NPHS1: variants seen among roughly 807,000 people sequenced by gnomAD.
NPHS1 encodes NPHS1 adhesion molecule, nephrin, also known as nephrin.
Under a neutral mutation model 139.7 loss-of-function variants are expected in NPHS1, and 107 were observed. That is an observed-to-expected ratio of 0.77 (90% CI 0.66 to 0.90). NPHS1 has a LOEUF of 0.90. Ranked by LOEUF, NPHS1 falls within the 40% of genes least tolerant of loss-of-function variation. NPHS1 has a pLI of 0.00. For synonymous variants in NPHS1, 707 were observed against 706.6 expected, an observed-to-expected ratio of 1.00 and a Z score of -0.01; for missense variants, 1,580 against 1,654.2, an observed-to-expected ratio of 0.96 and a Z score of 0.78.
Position 35,845,796 on chromosome 19 carries a change from G to T in NPHS1, c.1630C>A (p.Pro544Thr), listed in dbSNP as rs1160590584. 6.2e-7 allele frequency: 1 copy of T among 1,612,310 alleles called. No individual in the cohort carries two copies. The highest frequency in any genetic ancestry group is 1.1e-5 in the South Asian group (1 of 91,048). The change falls in exon 13 of 29, where the codon CCC becomes ACC. Residue 544 changes from proline (P) to threonine (T), a missense_variant and splice_region_variant. By Grantham distance (38) the Pro-to-Thr change is conservative. Transcript: ENST00000378910. This position sits in a 1 kb window ranked among gnomAD's most constrained non-coding sequence, Gnocchi z 5.5. ...SASTQLAVQFPPTNVTILANA... is the reference protein window; with the variant it reads ...SASTQLAVQFTPTNVTILANA... ...GCCAGGATCGTCACGTTAGTTGGGGGAACTGGGAGACGGGGTTGGAGGAGC... is the reference window on the plus strand; with the variant it reads ...GCCAGGATCGTCACGTTAGTTGGGGTAACTGGGAGACGGGGTTGGAGGAGC...
chr19:35,837,956 A>C (rs895997836), intron 22 of NPHS1, among the ~76,000 whole-genome samples: 6 of 151,576 alleles, frequency 4.0e-5, no homozygotes, highest in South Asian at 2.1e-4. Flanking sequence ...AAAAAAAAAA[A>C]AAAACGAAAA....
chr19:35,843,711 A>C, intron 16 of NPHS1, 118 bp from the exon 17 acceptor site: 1 of 1,306,910 alleles, frequency 7.7e-7, no homozygotes, highest in Non-Finnish European at 1.1e-6. Flanking sequence ...TGTGGACACA[A>C]TCTGCCCTTA....
chr19:35,852,224 C>T lies in NPHS1; in HGVS notation c.-387G>A, dbSNP rs75343898. Among the ~76,000 whole-genome samples the T allele has an allele frequency of 0.028, 4,177 of 151,854 alleles. 122 individuals carry two copies. The highest frequency in any genetic ancestry group is 0.13 in the East Asian group (685 of 5,146). On this transcript the variant is annotated 5_prime_UTR_variant, in exon 1 of 29. Transcript: ENST00000378910. ...GATTACAGGCGTGAGCCACTGCGCC[C>T]AGTCTCTTTATCTTTCCATCTTTCT... is the stretch of plus-strand genomic sequence containing the variant.
At position 35,846,167 on chromosome 19, in the gene NPHS1, G is replaced by GC. The variant is rs771252457; in HGVS notation, c.1467dup (p.Leu490AlafsTer58). The GC allele has an allele frequency of 6.3e-7, 1 of 1,594,950 alleles. No homozygotes were observed. Among genetic ancestry groups the GC allele is most frequent in the South Asian group, 1.1e-5 (1 of 88,302 alleles). On this transcript the variant is annotated frameshift_variant, in exon 12 of 29. Coordinates refer to ENST00000378910, the MANE Select transcript of NPHS1 (RefSeq NM_004646.4). LOFTEE classifies it high-confidence loss of function. ...TGCACGCGCCGCGACTCCTGCGGCA[G>GC]CCGCGACTCGGTCACGGTGCGCGAG...
chr19:35,839,338 A>G lies in NPHS1; in HGVS notation c.3008T>C (p.Leu1003Pro). ...PQATTFTLTG[L>P]QPSTRYRVWL... Reference sequence around the variant, plus strand: ...GACCCTGTATCTTGTAGAAGGCTGTAGACCAGTCAGCGTGAAGGTGGTGGC... The same window carrying G: ...GACCCTGTATCTTGTAGAAGGCTGTGGACCAGTCAGCGTGAAGGTGGTGGC... The change falls in exon 22 of 29, where the codon CTA (leucine) becomes CCA (proline). Residue 1003 changes from leucine (L) to proline (P), a missense_variant. Leu to Pro is a moderately conservative substitution (Grantham distance 98). Coordinates refer to ENST00000378910, the MANE Select transcript of NPHS1 (RefSeq NM_004646.4). 6.2e-7 allele frequency: 1 copy of G among 1,614,204 alleles called. No individual in the cohort carries two copies. Among genetic ancestry groups the G allele is most frequent in the South Asian group, 1.1e-5 (1 of 91,082 alleles).
At chr19:35,846,436 C>G (rs922014996) in intron 11 of NPHS1, among the ~76,000 whole-genome samples, 9 of 152,324 alleles carry the variant, frequency 5.9e-5, no homozygotes, top group Middle Eastern at 3.4e-3. Flanking sequence ...TTTTGGGGAT[C>G]TGAATCCGCC....
At chr19:35,840,436 G>T (rs533117017) in intron 20 of NPHS1, among the ~76,000 whole-genome samples, 2 of 146,994 alleles carry the variant, frequency 1.4e-5, no homozygotes, top group Admixed American at 1.4e-4. Context: ...CTGGGTTCAC[G>T]CCATTCTCCT....
intron 28 of NPHS1, among the ~76,000 whole-genome samples, chr19:35,828,842 G>A (rs890381751): frequency 3.9e-5 from 6 of 152,342 alleles, no homozygotes; most frequent in Non-Finnish European, 5.9e-5. Flanking sequence ...ACGCTTTAGA[G>A]AGTGCATATG....
chr19:35,844,979 A>G (rs1378522362), intron 14 of NPHS1, among the ~76,000 whole-genome samples: 1 of 152,158 alleles, frequency 6.6e-6, no homozygotes, highest in Non-Finnish European at 1.5e-5. Context: ...TAAAAGTACA[A>G]AAAATCAGCC....
rs1420623853 is a variant in NPHS1 at position 35,831,715 on chromosome 19, G to GC, written c.3213dup (p.Leu1072AlafsTer24). ...CAGGAGGCATTGGAGAGGAGCAGAA[G>GC]CCCCCCAAGAGCGAACAGCACAGGC... On this transcript the variant is annotated frameshift_variant, in exon 24 of 29. Coordinates refer to ENST00000378910, the MANE Select transcript of NPHS1 (RefSeq NM_004646.4). LOFTEE classifies it high-confidence loss of function. The GC allele has an allele frequency of 4.4e-6, 7 of 1,595,598 alleles. No homozygotes were observed.
At chr19:35,840,777 C>A (rs989422374) in intron 20 of NPHS1, among the ~76,000 whole-genome samples, 4 of 151,408 alleles carry the variant, frequency 2.6e-5, no homozygotes, top group African/African-American at 9.7e-5. Flanking sequence ...CAACCTCCAC[C>A]TCCTGGGTTC....
intron 17 of NPHS1, 63 bp downstream of exon 17, chr19:35,843,409 C>T: frequency 6.2e-7 from 1 of 1,602,264 alleles, no homozygotes; most frequent in Non-Finnish European, 8.5e-7. Context: ...TCCCAAGGAA[C>T]TCACAGTCAA....
chr19:35,851,302 C>T lies in NPHS1; in HGVS notation c.357G>A (p.Gly119=), dbSNP rs1393922738. The change falls in exon 3 of 29, where the codon GGG becomes GGA. Residue 119 remains glycine (G), a synonymous_variant. Coordinates refer to ENST00000378910, the MANE Select transcript of NPHS1 (RefSeq NM_004646.4). ...YECQVGRSEM[G]PELVSPRVIL... is the part of the protein sequence containing the mutation. ...TCACTCTGGGAGACACGAGCTCGGGCCCCATCTCAGAGCGGCCGACCTGGC... is the reference window on the plus strand; with the variant it reads ...TCACTCTGGGAGACACGAGCTCGGGTCCCATCTCAGAGCGGCCGACCTGGC... 1 of 1,613,984 alleles carries T rather than the reference C, an allele frequency of 6.2e-7. No homozygotes were observed. The highest frequency in any genetic ancestry group is 1.1e-5 in the South Asian group (1 of 91,074).
chr19:35,851,644 G>T lies in NPHS1; in HGVS notation c.87C>A (p.Ser29=). The change falls in exon 2 of 29, where the codon TCC becomes TCA. Residue 29 remains serine (S), a synonymous_variant. Coordinates refer to ENST00000378910, the MANE Select transcript of NPHS1 (RefSeq NM_004646.4). ...GCAGGGCCCAGAAGCCCCGGGGAAC[G>T]GAGGCAGGAATCGCCAACTGCGCCA... ...EGLAQLAIPA[S]VPRGFWALPE... 1 of 1,613,770 alleles carries T rather than the reference G, an allele frequency of 6.2e-7. No homozygotes were observed.
intron 3 of NPHS1, 22 bp downstream of exon 3, chr19:35,851,240 C>A (rs778628615): frequency 6.2e-7 from 1 of 1,613,876 alleles, no homozygotes; most frequent in African/African-American, 1.3e-5. Context: ...ACTCATGGGT[C>A]CTGGGCGTCT....
chr19:35,831,265 T>C (rs766273435), intron 26 of NPHS1, 31 bp downstream of exon 26: 25 of 1,611,742 alleles, frequency 1.6e-5, no homozygotes, highest in East Asian at 6.7e-5. Flanking sequence ...GGTGCCCTGA[T>C]TGTGGGGTCA....
At chr19:35,830,791 G>T in intron 28 of NPHS1, 53 bp downstream of exon 28, 2 of 1,105,908 alleles carry the variant, frequency 1.8e-6, no homozygotes, top group Admixed American at 3.4e-5. Flanking sequence ...GCAATAGGAG[G>T]TAGGCTCCCA....
chr19:35,848,815 G>A (rs200247837), intron 8 of NPHS1, 21 bp from the exon 9 acceptor site: 2 of 1,614,192 alleles, frequency 1.2e-6, no homozygotes, highest in African/African-American at 2.7e-5. Context: ...AGAGAAGGAA[G>A]ACACTAAGCT....
At chr19:35,839,189 A>G in intron 22 of NPHS1, 48 bp downstream of exon 22, 1 of 1,571,876 alleles carries the variant, frequency 6.4e-7, no homozygotes, top group Non-Finnish European at 8.8e-7. Context: ...ATACTACCCT[A>G]CACATCCTCT....
Sources: gnomAD v4.1 joint callset for allele counts (sites outside exome capture counted in the v4.1 genomes callset) on GRCh38, gnomAD v4.1.1 for gene constraint, Gnocchi (gnomAD v3.1) non-coding constraint, MANE v1.5 for transcripts, NCBI Gene and HGNC (gene_info 2026-07-23, HGNC 2026-07-21) for gene names.